RAB27A: variants seen among roughly 807,000 people sequenced by gnomAD.
RAB27A encodes the protein RAB27A, member RAS oncogene family.
A neutral mutation model predicts 20.8 loss-of-function variants in RAB27A; 17 were observed. That is an observed-to-expected ratio of 0.82 (90% CI 0.56 to 1.23). The LOEUF (loss-of-function observed/expected upper bound fraction) is 1.23. RAB27A is among the 50% of genes most tolerant of loss of function. The pLI is 0.00. For missense variants in RAB27A, 277 were observed against 266.7 expected (o/e 1.04, Z -0.27); for synonymous variants, 85 against 92.8 (o/e 0.92, Z 0.48).
At chr15:55,236,936 T>C (rs1402172340) in intron 2 of RAB27A, among the ~76,000 whole-genome samples, 1 of 152,158 alleles carries the variant, frequency 6.6e-6, no homozygotes, top group Non-Finnish European at 1.5e-5. Context: ...TGTTGAACAT[T>C]AGAACTTATT....
chr15:55,209,271 T>G (rs994504551), intron 6 of RAB27A, among the ~76,000 whole-genome samples: 7 of 152,150 alleles, frequency 4.6e-5, no homozygotes, highest in African/African-American at 1.4e-4. Context: ...TACCTATTAA[T>G]CAATCTCTCT....
At chr15:55,222,249 C>T (rs1895606320) in intron 6 of RAB27A, among the ~76,000 whole-genome samples, 1 of 152,194 alleles carries the variant, frequency 6.6e-6, no homozygotes, top group African/African-American at 2.4e-5. Flanking sequence ...GGGTAAAAAC[C>T]TCTACATGCA....
intron 6 of RAB27A, among the ~76,000 whole-genome samples, chr15:55,215,830 C>T (rs1469833865): frequency 6.6e-6 from 1 of 150,838 alleles, no homozygotes; most frequent in African/African-American, 2.4e-5. Flanking sequence ...CCTATAATCC[C>T]AGCTACTCAG....
At chr15:55,252,676 A>G (rs1896933625) in intron 2 of RAB27A, among the ~76,000 whole-genome samples, 1 of 151,890 alleles carries the variant, frequency 6.6e-6, no homozygotes, top group Admixed American at 6.5e-5. Context: ...TGATAGACAG[A>G]CAGACAGACA....
intron 6 of RAB27A, 55 bp downstream of exon 6, chr15:55,223,834 T>A (rs1895686184): frequency 2.3e-5 from 37 of 1,598,016 alleles, no homozygotes; most frequent in Non-Finnish European, 3.0e-5. Context: ...ACCATTCACC[T>A]GCTAATGTTT....
intron 2 of RAB27A, among the ~76,000 whole-genome samples, chr15:55,306,769 T>A (rs1044227305): frequency 6.6e-6 from 1 of 152,124 alleles, no homozygotes; most frequent in African/African-American, 2.4e-5. Context: ...GCATTCTCCA[T>A]AGAAACGCTT....
At chr15:55,247,826 G>C (rs1436369932) in intron 2 of RAB27A, among the ~76,000 whole-genome samples, 1 of 151,954 alleles carries the variant, frequency 6.6e-6, no homozygotes, top group Non-Finnish European at 1.5e-5. Flanking sequence ...ATGAGAATAT[G>C]AGTACCATCA....
rs185357846 is a variant in RAB27A, at chr15:55,239,494, C to T, written c.-22-4538G>A. On this transcript the variant is annotated intron_variant, in intron 2 of 6. Transcript: ENST00000336787. The stretch of plus-strand genomic sequence containing the variant: ...CCATTATATACTGTATAATCACACT[C>T]GAACAGCATGTATGTGTTCGAGTAC... Among the ~76,000 whole-genome samples the T allele has an allele frequency of 1.9e-4, 29 of 152,238 alleles. 1 individual carries two copies. The East Asian group carries it at 5.0e-3, about 26-fold the overall frequency.
chr15:55,236,947 C>A (rs1331857534), intron 2 of RAB27A, among the ~76,000 whole-genome samples: 1 of 152,074 alleles, frequency 6.6e-6, no homozygotes, highest in Non-Finnish European at 1.5e-5. Flanking sequence ...AGAACTTATT[C>A]TTTCCATCTA....
intron 6 of RAB27A, among the ~76,000 whole-genome samples, chr15:55,207,662 G>A (rs546849440): frequency 4.6e-5 from 7 of 152,172 alleles, no homozygotes; most frequent in Non-Finnish European, 8.8e-5. Flanking sequence ...CCAAAAATGC[G>A]ACTTTTTTGT....
chr15:55,282,841 T>A (rs1430987426), intron 1 of RAB27A, among the ~76,000 whole-genome samples: 1 of 152,096 alleles, frequency 6.6e-6, no homozygotes. Context: ...GAGAACCCCA[T>A]TTCGCATGAT....
intron 2 of RAB27A, among the ~76,000 whole-genome samples, chr15:55,306,082 A>T (rs982043595): frequency 6.6e-6 from 1 of 152,168 alleles, no homozygotes; most frequent in African/African-American, 2.4e-5. Flanking sequence ...ACAGACAAAA[A>T]ATATTCCTGA....
At chr15:55,276,810 T>C (rs1897886812) in intron 1 of RAB27A, among the ~76,000 whole-genome samples, 1 of 152,208 alleles carries the variant, frequency 6.6e-6, no homozygotes. Flanking sequence ...GTGTTAATTG[T>C]TCTTACCACA....
chr15:55,209,913 T>TATAC lies in RAB27A; in HGVS notation c.468-4209_468-4208insGTAT, dbSNP rs1491472346. 7.2e-3 allele frequency among the ~76,000 whole-genome samples: 593 copies of TATAC among 82,526 alleles called. 67 individuals carry two copies. Among genetic ancestry groups the TATAC allele is most frequent in the African/African-American group, 0.025 (239 of 9,550 alleles). The allele number at this position is 82,526 out of a possible 152,430, so 54.1% of individuals were successfully genotyped here. A position where few individuals can be genotyped will look rare whatever the true frequency, so the allele number is the denominator to read the frequency against. ...ACATATATACACATATGTGTGTGTA[T>TATAC]GTATATACACACATATATGTATGTA... is the stretch of plus-strand genomic sequence containing the variant. On this transcript the variant is annotated intron_variant, in intron 6 of 6. Coordinates refer to ENST00000336787, the MANE Select transcript of RAB27A (RefSeq NM_183235.3).
chr15:55,207,647 T>C (rs1299122708), intron 6 of RAB27A, among the ~76,000 whole-genome samples: 1 of 152,194 alleles, frequency 6.6e-6, no homozygotes, highest in Non-Finnish European at 1.5e-5. Flanking sequence ...ATGTGGCTAA[T>C]GCAACCAAAA....
At chr15:55,295,531 T>C (rs1281188804) in intron 2 of RAB27A, among the ~76,000 whole-genome samples, 2 of 152,216 alleles carry the variant, frequency 1.3e-5, no homozygotes, top group African/African-American at 2.4e-5. Flanking sequence ...GAATAAAGTA[T>C]TGATACATGT....
intron 3 of RAB27A, among the ~76,000 whole-genome samples, chr15:55,234,338 G>A (rs1896164026): frequency 6.6e-6 from 1 of 152,168 alleles, no homozygotes; most frequent in South Asian, 2.1e-4. Context: ...CCTCCTGGCA[G>A]CAGTGATAAG....
At chr15:55,275,260 A>G (rs75081922) in intron 1 of RAB27A, among the ~76,000 whole-genome samples, 1 of 144,000 alleles carries the variant, frequency 6.9e-6, no homozygotes, top group Non-Finnish European at 1.5e-5. Context: ...TAACAACAAC[A>G]AAAAAAAAAA....
chr15:55,317,472 G>T, intron 1 of RAB27A: 1 of 294,348 alleles, frequency 3.4e-6, no homozygotes, highest in Non-Finnish European at 6.3e-6. Context: ...ATGCCACCAA[G>T]CCTGGCTGAT....
Sources: gnomAD v4.1 joint callset for allele counts (sites outside exome capture counted in the v4.1 genomes callset) on GRCh38, gnomAD v4.1.1 for gene constraint, MANE v1.5 for transcripts, NCBI Gene and HGNC (gene_info 2026-07-23, HGNC 2026-07-21) for gene names.